TENM2: variants seen among roughly 807,000 people sequenced by gnomAD.
TENM2 encodes the protein teneurin transmembrane protein 2.
TENM2 carries 52 observed loss-of-function variants against 245.2 expected under a neutral mutation model. The observed-to-expected ratio is 0.21, with a 90% CI of 0.17 to 0.27. The LOEUF is 0.27. TENM2 is among the 10% of genes least tolerant of loss of function. TENM2 has a pLI of 1.00. For synonymous variants in TENM2, 1,363 were observed against 1,438.9 expected, an observed-to-expected ratio of 0.95 and a Z score of 1.19; for missense variants, 3,046 against 3,666.8, an observed-to-expected ratio of 0.83 and a Z score of 4.37.
intron 2 of TENM2, among the ~76,000 whole-genome samples, chr5:167,659,004 A>G (rs1230045076): frequency 2.0e-5 from 3 of 152,232 alleles, no homozygotes; most frequent in African/African-American, 7.2e-5. Context: ...GGCAAACATT[A>G]CACTCTTTTC....
chr5:167,366,960 A>G (rs1760093591), intron 1 of TENM2, among the ~76,000 whole-genome samples: 1 of 152,182 alleles, frequency 6.6e-6, no homozygotes, highest in Non-Finnish European at 1.5e-5. Context: ...CCAACTAGCC[A>G]GGCTCCTGGA....
At chr5:167,518,910 A>G (rs1036883520) in intron 2 of TENM2, among the ~76,000 whole-genome samples, 2 of 152,174 alleles carry the variant, frequency 1.3e-5, no homozygotes, top group East Asian at 1.9e-4. Context: ...GGCAGTATCC[A>G]TAATGACTGT....
the TENM2 span, among the ~76,000 whole-genome samples, chr5:167,087,346 G>T: frequency 7.2e-5 from 11 of 152,256 alleles, no homozygotes; most frequent in Non-Finnish European, 1.0e-4. Context: ...GAACTTTCTA[G>T]AGTTGTACAG....
the TENM2 span, among the ~76,000 whole-genome samples, chr5:167,162,848 A>G: frequency 6.6e-6 from 1 of 152,188 alleles, no homozygotes; most frequent in East Asian, 1.9e-4. Flanking sequence ...TTGCCAATGA[A>G]TTATTTCAAC....
upstream of TENM2, among the ~76,000 whole-genome samples, chr5:167,280,528 C>T (rs1192691615): frequency 6.6e-6 from 1 of 152,124 alleles, no homozygotes; most frequent in African/African-American, 2.4e-5. Context: ...AAGCTTTCCA[C>T]TTGGTCTTTG....
In TENM2 at chr5:167,661,292, C is replaced by T. The variant is rs539445294; in HGVS notation, c.503-214694C>T. Among the ~76,000 whole-genome samples, 6 of 152,262 alleles carry T rather than the reference C, an allele frequency of 3.9e-5. No individual in the cohort carries two copies. In the East Asian group the frequency reaches 9.6e-4, roughly 24 times the overall value. On this transcript the variant is annotated intron_variant, in intron 2 of 28. Coordinates refer to ENST00000518659, the Ensembl canonical transcript of TENM2. ...AATGTTTTGAAAATCAGATCATATA[C>T]AACATTTTATAAGCTTCCTATCTTG...
intron 2 of TENM2, among the ~76,000 whole-genome samples, chr5:167,526,460 T>A (rs1771128308): frequency 6.6e-6 from 1 of 151,984 alleles, no homozygotes; most frequent in Non-Finnish European, 1.5e-5. Flanking sequence ...CATGGTTGTC[T>A]ATTTTTTTAA....
At chr5:168,092,451 A>T (rs1176931701) in intron 8 of TENM2, among the ~76,000 whole-genome samples, 1 of 152,230 alleles carries the variant, frequency 6.6e-6, no homozygotes, top group African/African-American at 2.4e-5. Context: ...GAGTCATTGC[A>T]GCAGAGACCA....
chr5:167,225,633 TG>T, the TENM2 span, among the ~76,000 whole-genome samples: 1 of 152,066 alleles, frequency 6.6e-6, no homozygotes. Flanking sequence ...TTTTATTTTT[TG>T]TTATGTTCTT....
chr5:167,492,084 G>A (rs890264860), intron 2 of TENM2, among the ~76,000 whole-genome samples: 3 of 152,112 alleles, frequency 2.0e-5, no homozygotes, highest in Admixed American at 6.6e-5. Flanking sequence ...GCTCTATGTT[G>A]AGCAAGAGAG....
At chr5:167,693,561 G>A (rs953119216) in intron 2 of TENM2, among the ~76,000 whole-genome samples, 2 of 150,318 alleles carry the variant, frequency 1.3e-5, no homozygotes, top group Admixed American at 6.6e-5. Context: ...TGGAAGACTG[G>A]GTAACTGTCA....
chr5:167,634,701 A>G (rs951731388), intron 2 of TENM2, among the ~76,000 whole-genome samples: 1 of 151,736 alleles, frequency 6.6e-6, no homozygotes, highest in African/African-American at 2.4e-5. Flanking sequence ...AAGCAATCCC[A>G]TCTGAATCCC....
intron 2 of TENM2, among the ~76,000 whole-genome samples, chr5:167,864,454 A>T (rs1352381380): frequency 6.6e-6 from 1 of 152,242 alleles, no homozygotes; most frequent in African/African-American, 2.4e-5. Flanking sequence ...TGTCTCATTT[A>T]GTACATTTAA....
chr5:167,352,481 T>C (rs956587328), intron 1 of TENM2, among the ~76,000 whole-genome samples: 1 of 152,230 alleles, frequency 6.6e-6, no homozygotes, highest in African/African-American at 2.4e-5. Context: ...ATAGAAAGTT[T>C]TGCCACGTGA....
chr5:167,146,241 C>A, the TENM2 span, among the ~76,000 whole-genome samples: 1 of 152,098 alleles, frequency 6.6e-6, no homozygotes, highest in Non-Finnish European at 1.5e-5. Flanking sequence ...ACCTTGCTAT[C>A]GTGAATGGCA....
intron 2 of TENM2, among the ~76,000 whole-genome samples, chr5:167,572,023 C>A (rs1276436325): frequency 6.6e-6 from 1 of 152,216 alleles, no homozygotes; most frequent in Non-Finnish European, 1.5e-5. Context: ...TGTTCTCTGG[C>A]CAGCTGCCTT....
intron 3 of TENM2, among the ~76,000 whole-genome samples, chr5:167,941,094 A>G (rs1310218003): frequency 3.9e-5 from 6 of 152,382 alleles, no homozygotes; most frequent in Middle Eastern, 3.4e-3. Flanking sequence ...TTGCTAATTC[A>G]TGACTTAAAC....
chr5:168,219,927 T>C (rs1382147537), intron 23 of TENM2, among the ~76,000 whole-genome samples: 1 of 151,782 alleles, frequency 6.6e-6, no homozygotes, highest in Non-Finnish European at 1.5e-5. Context: ...CCTGTTTGTA[T>C]GCCAATGGTC....
At chr5:167,068,414 G>C in the TENM2 span, among the ~76,000 whole-genome samples, 3 of 152,060 alleles carry the variant, frequency 2.0e-5, no homozygotes, top group African/African-American at 7.2e-5. Context: ...ATTTTTAATA[G>C]GCACATGATA....
Sources: gnomAD v4.1 joint callset for allele counts (sites outside exome capture counted in the v4.1 genomes callset) on GRCh38, gnomAD v4.1.1 for gene constraint, MANE v1.5 for transcripts, NCBI Gene and HGNC (gene_info 2026-07-23, HGNC 2026-07-21) for gene names.